The following CFAP43 variants were observed in gnomAD, a reference collection of about 807,000 sequenced individuals.
The protein encoded by CFAP43 is cilia and flagella associated protein 43, also known as cilia- and flagella-associated protein 43.
Under a neutral mutation model 218.9 loss-of-function variants are expected in CFAP43, and 155 were observed. The observed-to-expected ratio is 0.71, with a 90% CI of 0.62 to 0.81. CFAP43 has a LOEUF of 0.81. CFAP43 is among the 30% of genes least tolerant of loss of function. CFAP43 has a pLI of 0.00. For synonymous variants in CFAP43, 645 were observed against 681.3 expected, an observed-to-expected ratio of 0.95 and a Z score of 0.83; for missense variants, 1,778 against 1,954.3, an observed-to-expected ratio of 0.91 and a Z score of 1.70.
At position 104,196,752 on chromosome 10, in the gene CFAP43, G is replaced by A. The variant is rs17116647; in HGVS notation, c.1293+101C>T. The A allele has an allele frequency of 1.3e-3, 1,254 of 968,866 alleles. 11 individuals are homozygous for A. In the African/African-American group the frequency reaches 0.014, roughly 11 times the overall value. The allele number at this position is 968,866 out of a possible 1,614,324, so 60.0% of individuals were successfully genotyped here. A position where few individuals can be genotyped will look rare whatever the true frequency, so the allele number is the denominator to read the frequency against. On this transcript the variant is annotated intron_variant, in intron 10 of 37. Coordinates refer to ENST00000357060, the MANE Select transcript of CFAP43 (RefSeq NM_025145.7). ...GAAGGCAAAAATGCAGTGAGGCTTC[G>A]GTAACAAGTATTTCTACAGACTATT...
At chr10:104,157,769 TGTGTGTGA>T (rs1275079241) in intron 27 of CFAP43, among the ~76,000 whole-genome samples, 16 of 109,714 alleles carry the variant, frequency 1.5e-4, no homozygotes, top group Admixed American at 4.8e-4. Flanking sequence ...TGTGTGTGTG[TGTGTGTGA>T]GAGAGAGAGA....
intron 17 of CFAP43, among the ~76,000 whole-genome samples, chr10:104,181,025 C>T (rs559827139): frequency 9.5e-4 from 145 of 152,310 alleles, no homozygotes; most frequent in African/African-American, 3.4e-3. Flanking sequence ...GTCCTGACCT[C>T]TCCCCAGAAC....
intron 4 of CFAP43, among the ~76,000 whole-genome samples, chr10:104,212,559 A>C (rs961713564): frequency 1.3e-5 from 2 of 152,252 alleles, no homozygotes; most frequent in Non-Finnish European, 2.9e-5. Flanking sequence ...CCAAAATTTC[A>C]AGAGAATACT....
At position 104,212,075 on chromosome 10, in the gene CFAP43, T is replaced by C; in HGVS notation, c.667A>G (p.Ile223Val). The C allele has an allele frequency of 6.2e-7, 1 of 1,613,500 alleles. No individual in the cohort carries two copies. The highest frequency in any genetic ancestry group is 8.5e-7 in the Non-Finnish European group (1 of 1,179,550). ...GACAGTGGCAGCACGGGACCATAGA[T>C]GAGATCTTTCGGCAACGACTGGGGG... ...VFPQSLPKDLIYGPVLPLSAI... is the reference protein window; with the variant it reads ...VFPQSLPKDLVYGPVLPLSAI... Residue 223 changes from isoleucine (I) to valine (V), a missense_variant, in exon 5 of 38, where the codon ATC (isoleucine) becomes GTC (valine). Physicochemically the swap from Ile to Val is conservative, Grantham distance 29. This residue lies in a region of CFAP43 where 1,553 missense variants were observed against 1,685.2 expected (regional missense o/e 0.92). Transcript: ENST00000357060.
chr10:104,179,882 A>G lies in CFAP43; in HGVS notation c.2340T>C (p.Asp780=), dbSNP rs746308007. 6.8e-6 allele frequency: 11 copies of G among 1,613,862 alleles called. No individual in the cohort carries two copies. The South Asian group carries it at 1.2e-4, about 18-fold the overall frequency. ...DLSQDELVLT[D]VKKEIPWIQQ... ...GTATCCAAGGAATTTCCTTCTTAAC[A>G]TCGGTTAGAACTAATTCATCTTGTG... The change falls in exon 18 of 38, where the codon GAT becomes GAC. Residue 780 remains aspartate, a synonymous_variant. Transcript: ENST00000357060.
At chr10:104,130,773 G>A (rs1048852225) in intron 37 of CFAP43, among the ~76,000 whole-genome samples, 5 of 151,990 alleles carry the variant, frequency 3.3e-5, no homozygotes, top group Non-Finnish European at 5.9e-5. Flanking sequence ...TGAGGTGGGC[G>A]GATCTCTTGA....
chr10:104,157,041 T>A (rs2088585841), intron 27 of CFAP43, among the ~76,000 whole-genome samples: 1 of 152,166 alleles, frequency 6.6e-6, no homozygotes, highest in Non-Finnish European at 1.5e-5. Context: ...TCACTTCTAA[T>A]GAAAAAAATA....
intron 9 of CFAP43, 143 bp from the exon 10 acceptor site, chr10:104,197,076 T>C: frequency 1.7e-6 from 1 of 588,126 alleles, no homozygotes. Flanking sequence ...TATTTTATCA[T>C]TTCAACGCCA....
intron 7 of CFAP43, among the ~76,000 whole-genome samples, chr10:104,205,326 T>C (rs2090656396): frequency 6.6e-6 from 1 of 152,158 alleles, no homozygotes; most frequent in African/African-American, 2.4e-5. Context: ...ACTTTGGAGT[T>C]TGATACACCT....
chr10:104,154,971 C>T (rs886181367), intron 27 of CFAP43, among the ~76,000 whole-genome samples: 1 of 152,154 alleles, frequency 6.6e-6, no homozygotes, highest in Non-Finnish European at 1.5e-5. Flanking sequence ...CTGGAGGGGG[C>T]GCTCTTTAGG....
rs1400077209 is a variant in CFAP43 at position 104,214,303 on chromosome 10, C to T, written c.540G>A (p.Val180=). 6.2e-7 allele frequency: 1 copy of T among 1,607,860 alleles called. No homozygotes were observed. The highest frequency in any genetic ancestry group is 8.5e-7 in the Non-Finnish European group (1 of 1,176,996). The part of the protein sequence containing the change: ...LCLSSPSTVS[V]WTIERSNQEH... ...CCTGGTTACTTCTTTCAATGGTCCA[C>T]ACGCTCACTGTACTTGGACTTGATA... Residue 180 remains valine (V), a synonymous_variant, in exon 4 of 38, where the codon GTG becomes GTA. Coordinates refer to ENST00000357060, the MANE Select transcript of CFAP43 (RefSeq NM_025145.7).
rs1214639620 is a variant in CFAP43 at position 104,230,667 on chromosome 10, G to A, written c.242C>T (p.Ala81Val). The A allele has an allele frequency of 6.2e-7, 1 of 1,613,968 alleles. No individual in the cohort carries two copies. Among genetic ancestry groups the A allele is most frequent in the African/African-American group, 1.3e-5 (1 of 74,872 alleles). The change falls in exon 2 of 38, where the codon GCT (alanine) becomes GTT (valine). Residue 81 changes from alanine to valine, a missense_variant. Physicochemically the swap from Ala to Val is moderately conservative, Grantham distance 64 (BLOSUM62 0). Transcript: ENST00000357060. The stretch of plus-strand genomic sequence containing the variant: ...AGGTTTTAGCTTCCGGTCAGAAAAA[G>A]CCACAACTTCACAGGGGATGTTAGT... Reference protein sequence around the residue: ...MATNIPCEVVAFSDRKLKPLI... With the variant: ...MATNIPCEVVVFSDRKLKPLI...
At chr10:104,191,149 C>T (rs1365053036) in intron 12 of CFAP43, among the ~76,000 whole-genome samples, 1 of 152,204 alleles carries the variant, frequency 6.6e-6, no homozygotes, top group Non-Finnish European at 1.5e-5. Context: ...CCATCCTTCA[C>T]ACTGGTATCA....
chr10:104,192,328 A>G (rs751167455), intron 11 of CFAP43, 26 bp from the exon 12 acceptor site: 1 of 1,547,018 alleles, frequency 6.5e-7, no homozygotes, highest in Admixed American at 1.7e-5. Flanking sequence ...TCTGATGATC[A>G]AATCCCAATT....
chr10:104,198,131 T>C, intron 8 of CFAP43, 93 bp from the exon 9 acceptor site: 1 of 719,886 alleles, frequency 1.4e-6, no homozygotes, highest in Non-Finnish European at 2.3e-6. Context: ...ACCAAGGCTC[T>C]ATGTGGAAAC....
intron 5 of CFAP43, among the ~76,000 whole-genome samples, chr10:104,209,659 T>C (rs1564801183): frequency 6.6e-6 from 1 of 152,194 alleles, no homozygotes; most frequent in Non-Finnish European, 1.5e-5. Context: ...CTCCTACACA[T>C]ATTTTCTGCC....
intron 19 of CFAP43, 82 bp downstream of exon 19, chr10:104,178,947 T>C: frequency 9.6e-7 from 1 of 1,045,220 alleles, no homozygotes; most frequent in Non-Finnish European, 1.4e-6. Flanking sequence ...GTATAGTTCC[T>C]CAGGGTAGAA....
Position 104,133,684 on chromosome 10 carries a change from C to A in CFAP43, c.4532G>T (p.Arg1511Met). 1 of 1,613,666 alleles carries A rather than the reference C, an allele frequency of 6.2e-7. No individual in the cohort carries two copies. Residue 1511 changes from arginine (R) to methionine (M), a missense_variant, in exon 35 of 38, where the codon AGG becomes ATG. This residue lies in a region of CFAP43 where 211 missense variants were observed against 230.6 expected (regional missense o/e 0.91). Coordinates refer to ENST00000357060, the MANE Select transcript of CFAP43 (RefSeq NM_025145.7). ...EWEHKKMEMEREDLNQKAWDI... is the reference protein window; with the variant it reads ...EWEHKKMEMEMEDLNQKAWDI... ...CCAAGCCTTCTGATTTAGATCTTCC[C>A]TTTCCATCTCCATTTTCTTATGTTC...
chr10:104,167,520 A>G (rs1401868797), intron 22 of CFAP43, 101 bp downstream of exon 22: 4 of 789,214 alleles, frequency 5.1e-6, no homozygotes, highest in Non-Finnish European at 7.7e-6. Context: ...AAATACATAC[A>G]ATACCTAAAC....
Sources: gnomAD v4.1 joint callset for allele counts (sites outside exome capture counted in the v4.1 genomes callset) on GRCh38, gnomAD v4.1.1 for gene constraint, gnomAD v4.1.1 regional missense constraint, MANE v1.5 for transcripts, NCBI Gene and HGNC (gene_info 2026-07-23, HGNC 2026-07-21) for gene names.